TBC1D22A: variants seen among roughly 807,000 people sequenced by gnomAD.
TBC1D22A encodes TBC1 domain family member 22A, also known as putative GTPase activator.
TBC1D22A carries 38 observed loss-of-function variants against 60.2 expected under a neutral mutation model. That is an observed-to-expected ratio of 0.63 (90% confidence interval 0.49 to 0.83). The LOEUF (loss-of-function observed/expected upper bound fraction) is 0.83, where lower values mean the gene tolerates loss of function less well. Ranked by LOEUF, TBC1D22A falls within the 40% of genes least tolerant of loss-of-function variation. TBC1D22A has a pLI of 0.00. For synonymous variants in TBC1D22A, 302 were observed against 281.7 expected (o/e 1.07, Z -0.72); for missense variants, 628 against 701.0 (o/e 0.90, Z 1.18).
At chr22:47,122,197 G>C (rs1024790086) in intron 12 of TBC1D22A, among the ~76,000 whole-genome samples, 20 of 152,214 alleles carry the variant, frequency 1.3e-4, no homozygotes, top group African/African-American at 4.8e-4. Context: ...TGTGGGAAGA[G>C]AGAGGTGGGT....
chr22:46,805,326 T>A (rs2085081050), intron 4 of TBC1D22A, among the ~76,000 whole-genome samples: 1 of 152,232 alleles, frequency 6.6e-6, no homozygotes, highest in Non-Finnish European at 1.5e-5. Flanking sequence ...GCCTTGTATC[T>A]GGGGCCTTCC....
At chr22:47,131,297 G>A (rs942566907) in intron 12 of TBC1D22A, among the ~76,000 whole-genome samples, 2 of 152,212 alleles carry the variant, frequency 1.3e-5, no homozygotes, top group African/African-American at 2.4e-5. Flanking sequence ...CTGTAACCTC[G>A]TGCATCCCTG....
At chr22:46,957,970 G>A (rs2073295491) in intron 8 of TBC1D22A, among the ~76,000 whole-genome samples, 1 of 151,992 alleles carries the variant, frequency 6.6e-6, no homozygotes, top group Admixed American at 6.6e-5. Context: ...CTGAACTGGT[G>A]ATGGCAGAAC....
intron 4 of TBC1D22A, among the ~76,000 whole-genome samples, chr22:46,851,510 G>A (rs2087276664): frequency 6.6e-6 from 1 of 152,250 alleles, no homozygotes. Context: ...GGAGGCCCTC[G>A]ATGGTTTGAG....
intron 11 of TBC1D22A, among the ~76,000 whole-genome samples, chr22:47,107,245 A>G (rs1356658039): frequency 6.6e-6 from 1 of 152,244 alleles, no homozygotes; most frequent in Admixed American, 6.5e-5. Context: ...TAGGCCAGAA[A>G]GACAAATGCT....
chr22:46,970,496 G>A (rs1416048921), intron 8 of TBC1D22A, among the ~76,000 whole-genome samples: 1 of 152,136 alleles, frequency 6.6e-6, no homozygotes, highest in Non-Finnish European at 1.5e-5. Flanking sequence ...ACATGTTTTG[G>A]GAGATAAACC....
At chr22:46,840,456 G>T (rs1161258649) in intron 4 of TBC1D22A, among the ~76,000 whole-genome samples, 1 of 152,098 alleles carries the variant, frequency 6.6e-6, no homozygotes, top group Non-Finnish European at 1.5e-5. Flanking sequence ...AACAAATGAG[G>T]CTGGGTGGTG....
chr22:46,860,913 T>C (rs1297666456), intron 4 of TBC1D22A, among the ~76,000 whole-genome samples: 1 of 152,188 alleles, frequency 6.6e-6, no homozygotes, highest in Non-Finnish European at 1.5e-5. Flanking sequence ...TCCACTTCCT[T>C]TGGGGGAGGC....
chr22:47,023,311 A>G (rs538482922), intron 10 of TBC1D22A, among the ~76,000 whole-genome samples: 1 of 152,368 alleles, frequency 6.6e-6, no homozygotes, highest in Non-Finnish European at 1.5e-5. Context: ...ACAGCAATAG[A>G]AACTATTCAA....
intron 4 of TBC1D22A, among the ~76,000 whole-genome samples, chr22:46,873,210 C>T (rs1173895605): frequency 6.6e-6 from 1 of 152,078 alleles, no homozygotes; most frequent in African/African-American, 2.4e-5. Context: ...TTTTGAACAA[C>T]CCAATAAAAT....
chr22:46,820,598 C>T (rs979543989), intron 4 of TBC1D22A, among the ~76,000 whole-genome samples: 3 of 151,802 alleles, frequency 2.0e-5, no homozygotes, highest in African/African-American at 7.2e-5. Context: ...GTCTGAGAGA[C>T]TGCTATGATT....
chr22:46,831,686 CA>C (rs2086315555), intron 4 of TBC1D22A, among the ~76,000 whole-genome samples: 2 of 152,104 alleles, frequency 1.3e-5, no homozygotes, highest in Admixed American at 1.3e-4. Flanking sequence ...TGCCTGTGCC[CA>C]GCGGGCTCTG....
At chr22:47,037,493 G>A (rs913400022) in intron 11 of TBC1D22A, among the ~76,000 whole-genome samples, 1 of 152,178 alleles carries the variant, frequency 6.6e-6, no homozygotes, top group African/African-American at 2.4e-5. Flanking sequence ...TTAGCCAAGT[G>A]TGGTGGCCCA....
At chr22:47,024,468 G>A (rs972823549) in intron 10 of TBC1D22A, among the ~76,000 whole-genome samples, 4 of 152,152 alleles carry the variant, frequency 2.6e-5, no homozygotes, top group African/African-American at 7.2e-5. Context: ...TCCTTCACTC[G>A]AGGGTTCTTT....
intron 8 of TBC1D22A, among the ~76,000 whole-genome samples, chr22:46,944,712 T>A (rs886707742): frequency 1.2e-4 from 18 of 152,218 alleles, no homozygotes; most frequent in Non-Finnish European, 1.6e-4. Flanking sequence ...CTCCATTTTT[T>A]AAAAAATAAA....
Position 47,170,884 on chromosome 22 carries a change from C to T in TBC1D22A, c.1426-2614C>T, listed in dbSNP as rs11912850. Among the ~76,000 whole-genome samples the T allele has an allele frequency of 1.1e-3, 26 of 22,798 alleles. 4 individuals carry two copies. Among genetic ancestry groups the T allele is most frequent in the South Asian group, 5.5e-3 (8 of 1,442 alleles). 15.0% of individuals were successfully genotyped at this position (22,798 alleles called of 152,430 possible). A position where few individuals can be genotyped will look rare whatever the true frequency, so the allele number is the denominator to read the frequency against. The stretch of plus-strand genomic sequence containing the variant: ...GAGAGGACAGTCCTGGTGTGTAACC[C>T]TCCTGATGCAGGACCGGAGAGAGGG... On this transcript the variant is annotated intron_variant, in intron 12 of 12. Coordinates refer to ENST00000337137, the MANE Select transcript of TBC1D22A (RefSeq NM_014346.5).
intron 4 of TBC1D22A, among the ~76,000 whole-genome samples, chr22:46,836,374 C>T (rs1253167051): frequency 2.0e-5 from 3 of 152,140 alleles, no homozygotes; most frequent in East Asian, 1.9e-4. Flanking sequence ...TTTTTGTGTG[C>T]GATTGATGTT....
In TBC1D22A at chr22:47,028,083, G is replaced by GT. The variant is rs2062321559; in HGVS notation, c.1202-8987dup. On this transcript the variant is annotated intron_variant, in intron 10 of 12. Transcript: ENST00000337137. The surrounding 1 kb of genome is among the most constrained non-coding windows in gnomAD (Gnocchi z 4.4). ...TTTGGAGGGGTGTGCTGAGTAGCTC[G>GT]TGTGCACGTCTGTGAGGTGAAAATG... Among the ~76,000 whole-genome samples the GT allele has an allele frequency of 6.6e-6, 1 of 152,156 alleles. No individual in the cohort carries two copies. Among genetic ancestry groups the GT allele is most frequent in the Non-Finnish European group, 1.5e-5 (1 of 68,030 alleles).
intron 8 of TBC1D22A, among the ~76,000 whole-genome samples, chr22:46,927,252 ATTATTACAAGTGGAAT>A (rs1295720530): frequency 2.0e-5 from 3 of 152,250 alleles, no homozygotes; most frequent in Non-Finnish European, 4.4e-5. Flanking sequence ...AGGATTAGGC[ATTATTACAAGTGGAAT>A]TTATTTGAGG....
Sources: gnomAD v4.1 joint callset for allele counts (sites outside exome capture counted in the v4.1 genomes callset) on GRCh38, gnomAD v4.1.1 for gene constraint, Gnocchi (gnomAD v3.1) non-coding constraint, MANE v1.5 for transcripts, NCBI Gene and HGNC (gene_info 2026-07-23, HGNC 2026-07-21) for gene names.